The following FRY variants were observed in gnomAD, a reference collection of about 807,000 sequenced individuals.
The protein encoded by FRY is FRY microtubule binding protein, also known as protein furry homolog.
In FRY, 128 loss-of-function variants were observed where a neutral mutation model predicts 348.4. The ratio of observed to expected loss-of-function variants is 0.37; its 90% CI spans 0.32 to 0.43. The LOEUF (loss-of-function observed/expected upper bound fraction) is 0.43. FRY is among the 20% of genes least tolerant of loss of function. FRY has a pLI of 1.00. For synonymous variants in FRY, 1,370 were observed against 1,374.7 expected, an observed-to-expected ratio of 1.00 and a Z score of 0.08; for missense variants, 2,736 against 3,695.2, an observed-to-expected ratio of 0.74 and a Z score of 6.73.
intron 32 of FRY, among the ~76,000 whole-genome samples, chr13:32,209,345 TAATAAA>T (rs1411260653): frequency 2.0e-5 from 3 of 152,136 alleles, no homozygotes; most frequent in Non-Finnish European, 2.9e-5. Context: ...TTAAGAATGA[TAATAAA>T]AATAAAAATA....
intron 18 of FRY, among the ~76,000 whole-genome samples, chr13:32,172,802 G>A (rs976578809): frequency 1.3e-5 from 2 of 152,124 alleles, no homozygotes; most frequent in African/African-American, 4.8e-5. Context: ...GGTTATATAT[G>A]CTTGTAAGGG....
intron 1 of FRY, among the ~76,000 whole-genome samples, chr13:32,037,141 G>A (rs548443650): frequency 2.0e-5 from 3 of 151,828 alleles, no homozygotes; most frequent in African/African-American, 7.2e-5. Context: ...AGTCTTTTCC[G>A]TCTATTGCAA....
At chr13:32,285,712 A>T (rs920274464) in intron 58 of FRY, among the ~76,000 whole-genome samples, 7 of 152,236 alleles carry the variant, frequency 4.6e-5, no homozygotes, top group African/African-American at 1.7e-4. Flanking sequence ...TCTGAAAAGT[A>T]AATCCCATAG....
intron 28 of FRY, among the ~76,000 whole-genome samples, chr13:32,191,492 G>A (rs564663765): frequency 6.6e-6 from 1 of 152,266 alleles, no homozygotes; most frequent in African/African-American, 2.4e-5. Flanking sequence ...GTTCACCGAA[G>A]AGGTTATCTA....
At position 32,208,966 on chromosome 13, in the gene FRY, G is replaced by T. The variant is rs370782530; in HGVS notation, c.4132G>T (p.Gly1378Trp). Residue 1378 changes from glycine (G) to tryptophan (W), a missense_variant, in exon 32 of 61, where the codon GGG (glycine) becomes TGG (tryptophan). By Grantham distance (184) the Gly-to-Trp change is radical. Transcript: ENST00000542859. ...GGTGGACAGCAGGCTCCTCCTCCCG[G>T]GGTCGAGCCCCAGCAGCCCAGAGGA... ...ELVDSRLLLP[G>W]SSPSSPEDEV... 6 of 1,614,102 alleles carry T rather than the reference G, an allele frequency of 3.7e-6. No individual in the cohort carries two copies. In the South Asian group the frequency reaches 5.5e-5, roughly 15 times the overall value.
At chr13:32,198,385 G>A (rs936977761) in intron 29 of FRY, among the ~76,000 whole-genome samples, 1 of 152,146 alleles carries the variant, frequency 6.6e-6, no homozygotes, top group African/African-American at 2.4e-5. Flanking sequence ...CACTCAGAAG[G>A]GAGTTTCCTT....
intron 44 of FRY, 43 bp downstream of exon 44, chr13:32,238,029 C>T (rs1467880024): frequency 6.3e-7 from 1 of 1,599,054 alleles, no homozygotes; most frequent in Non-Finnish European, 8.5e-7. Context: ...CTGATGGTGA[C>T]TGTGTTCATC....
chr13:32,125,788 A>C (rs1421020305), intron 7 of FRY, among the ~76,000 whole-genome samples: 1 of 152,222 alleles, frequency 6.6e-6, no homozygotes, highest in Non-Finnish European at 1.5e-5. Context: ...TATTTAATCT[A>C]ATCCAGTTTA....
At chr13:32,279,300 A>G (rs1338779362) in intron 58 of FRY, among the ~76,000 whole-genome samples, 1 of 152,172 alleles carries the variant, frequency 6.6e-6, no homozygotes, top group East Asian at 1.9e-4. Context: ...GCAGAGATCT[A>G]AAATATGAGA....
chr13:32,120,436 C>G (rs770895996), intron 4 of FRY, among the ~76,000 whole-genome samples: 9 of 152,042 alleles, frequency 5.9e-5, no homozygotes, highest in Non-Finnish European at 1.0e-4. Flanking sequence ...GTTCTTCTGA[C>G]AGTGCTGATT....
chr13:32,199,013 A>G (rs369373487), intron 29 of FRY, among the ~76,000 whole-genome samples: 12 of 152,300 alleles, frequency 7.9e-5, no homozygotes, highest in African/African-American at 2.9e-4. Flanking sequence ...AATATCTATC[A>G]ATGCGTGTCA....
intron 2 of FRY, among the ~76,000 whole-genome samples, chr13:32,083,015 T>C (rs1009044361): frequency 1.3e-5 from 2 of 152,178 alleles, no homozygotes; most frequent in Admixed American, 6.5e-5. Flanking sequence ...AACTATTAAT[T>C]ATATGAATGT....
chr13:32,133,768 CTTTTT>C (rs34413710), intron 8 of FRY, among the ~76,000 whole-genome samples: 2 of 89,284 alleles, frequency 2.2e-5, no homozygotes, highest in Admixed American at 1.4e-4. Context: ...TTCTTTCTTT[CTTTTT>C]TTTTTTTTTT....
At chr13:32,115,842 T>A (rs1217649476) in intron 3 of FRY, among the ~76,000 whole-genome samples, 1 of 152,084 alleles carries the variant, frequency 6.6e-6, no homozygotes, top group Non-Finnish European at 1.5e-5. Context: ...ATGCACTCTA[T>A]ATGTTAGTAT....
intron 48 of FRY, among the ~76,000 whole-genome samples, chr13:32,248,425 T>A (rs1366408256): frequency 3.3e-5 from 5 of 152,026 alleles, no homozygotes; most frequent in Non-Finnish European, 7.4e-5. Flanking sequence ...GAGAAATACC[T>A]AATGTAGATG....
chr13:32,209,152 A>C lies in FRY; in HGVS notation c.4275+43A>C, dbSNP rs200092950. ...GTGCTTCAAATAGCATGGCTCCATC[A>C]TCAGAAAAAAACCCTGGGTTAGTCA... On this transcript the variant is annotated intron_variant, in intron 32 of 60. Coordinates refer to ENST00000542859, the MANE Select transcript of FRY (RefSeq NM_023037.3). 1,950 of 1,611,902 alleles carry C rather than the reference A, an allele frequency of 1.2e-3. 3 individuals carry two copies. Among genetic ancestry groups the C allele is most frequent in the Non-Finnish European group, 1.6e-3 (1,831 of 1,178,682 alleles).
chr13:32,275,904 A>C (rs1233245616), intron 56 of FRY, among the ~76,000 whole-genome samples: 1 of 150,930 alleles, frequency 6.6e-6, no homozygotes, highest in Non-Finnish European at 1.5e-5. Flanking sequence ...CCCCCATGAT[A>C]TGACAGAATC....
chr13:32,179,310 C>G (rs1882554645), intron 22 of FRY, among the ~76,000 whole-genome samples: 1 of 152,128 alleles, frequency 6.6e-6, no homozygotes, highest in Admixed American at 6.5e-5. Flanking sequence ...GGTTTGTGTC[C>G]TACAACACCA....
At chr13:32,248,348 C>G (rs554474816) in intron 48 of FRY, among the ~76,000 whole-genome samples, 1 of 151,994 alleles carries the variant, frequency 6.6e-6, no homozygotes, top group South Asian at 2.1e-4. Flanking sequence ...TACATGGACA[C>G]AGGGAGGGGA....
Sources: allele counts gnomAD v4.1 joint callset (sites outside exome capture counted in the v4.1 genomes callset), GRCh38; gene constraint gnomAD v4.1.1; transcripts MANE v1.5; gene names NCBI Gene and HGNC (gene_info 2026-07-23, HGNC 2026-07-21).